The following SPIDR variants were observed in gnomAD, a reference collection of about 807,000 sequenced individuals.
SPIDR encodes the protein scaffold protein involved in DNA repair.
In SPIDR, 93 loss-of-function variants were observed where a neutral mutation model predicts 104.6. The ratio of observed to expected loss-of-function variants is 0.89; its 90% confidence interval spans 0.75 to 1.06. The LOEUF (loss-of-function observed/expected upper bound fraction) is 1.06. SPIDR is among the 50% of genes least tolerant of loss of function. The pLI, the probability that SPIDR is intolerant of heterozygous loss-of-function variation, is 0.00. For synonymous variants in SPIDR, 431 were observed against 416.9 expected (o/e 1.03, Z -0.41); for missense variants, 1,154 against 1,111.2 (o/e 1.04, Z -0.55).
At chr8:47,345,392 A>T (rs2051730337) in intron 5 of SPIDR, among the ~76,000 whole-genome samples, 1 of 152,222 alleles carries the variant, frequency 6.6e-6, no homozygotes. Flanking sequence ...GAAGTCAGGT[A>T]GTGTGATGCC....
intron 5 of SPIDR, among the ~76,000 whole-genome samples, chr8:47,395,273 C>T (rs1325552803): frequency 2.0e-5 from 3 of 151,954 alleles, no homozygotes; most frequent in South Asian, 2.1e-4. Context: ...CACTTCTACC[C>T]GAGAAGCAGA....
intron 8 of SPIDR, among the ~76,000 whole-genome samples, chr8:47,487,000 A>C (rs2077743869): frequency 6.6e-6 from 1 of 152,206 alleles, no homozygotes; most frequent in South Asian, 2.1e-4. Flanking sequence ...ACATATAACA[A>C]TATTAACCTT....
chr8:47,406,202 A>G (rs1023958336), intron 6 of SPIDR, among the ~76,000 whole-genome samples: 4 of 151,840 alleles, frequency 2.6e-5, no homozygotes, highest in South Asian at 2.1e-4. Context: ...TTTATTGTGC[A>G]TATCATTTTA....
intron 10 of SPIDR, among the ~76,000 whole-genome samples, chr8:47,627,927 C>T (rs78599602): frequency 0.022 from 3,309 of 152,248 alleles, 96 homozygotes; most frequent in East Asian, 0.08. Context: ...CCTGGGCTGC[C>T]TGGTAGTGCA....
chr8:47,713,920 T>C (rs1391976056), intron 16 of SPIDR, among the ~76,000 whole-genome samples: 2 of 152,136 alleles, frequency 1.3e-5, no homozygotes, highest in Admixed American at 6.5e-5. Flanking sequence ...CAGGGAAGGC[T>C]TCCCAAAGAC....
chr8:47,588,613 A>G (rs1469134941), intron 8 of SPIDR, among the ~76,000 whole-genome samples: 4 of 152,076 alleles, frequency 2.6e-5, no homozygotes. Context: ...TGTTGAATCA[A>G]AGTTGTGAGG....
At chr8:47,689,949 A>G (rs1041301893) in intron 11 of SPIDR, among the ~76,000 whole-genome samples, 16 of 152,208 alleles carry the variant, frequency 1.1e-4, no homozygotes, top group Admixed American at 6.5e-5. Flanking sequence ...TCTTTGAAAC[A>G]TTATATGAGG....
rs78772670 is a variant in SPIDR, at chr8:47,580,282, A to G, written c.1098-15529A>G. 3.9e-5 allele frequency among the ~76,000 whole-genome samples: 6 copies of G among 152,344 alleles called. No homozygotes were observed. The East Asian group carries it at 1.2e-3, about 29-fold the overall frequency. ...AAATAACCCTAGTTTTTGCTAAACA[A>G]TAGACAACAACTAATTTGAAATTGC... On this transcript the variant is annotated intron_variant, in intron 8 of 19. Transcript: ENST00000297423.
At chr8:47,714,688 A>G (rs1054485342) in intron 16 of SPIDR, among the ~76,000 whole-genome samples, 4 of 152,136 alleles carry the variant, frequency 2.6e-5, no homozygotes, top group African/African-American at 7.2e-5. Context: ...TTTACTGCAC[A>G]TTATTCTGCC....
chr8:47,350,349 T>C (rs1269068279), intron 5 of SPIDR, among the ~76,000 whole-genome samples: 17 of 152,234 alleles, frequency 1.1e-4, no homozygotes, highest in African/African-American at 4.1e-4. Flanking sequence ...AGTCTCGCTC[T>C]GTCACCCATG....
chr8:47,505,417 G>GCATAGGA (rs776263873), intron 8 of SPIDR, among the ~76,000 whole-genome samples: 1 of 152,200 alleles, frequency 6.6e-6, no homozygotes, highest in Non-Finnish European at 1.5e-5. Context: ...GGCTCTGTGG[G>GCATAGGA]CATAGGACCC....
intron 8 of SPIDR, among the ~76,000 whole-genome samples, chr8:47,539,156 C>T (rs1177239599): frequency 2.0e-5 from 3 of 151,916 alleles, no homozygotes; most frequent in Admixed American, 6.6e-5. Flanking sequence ...CCACCATGCC[C>T]GGCCTATTGT....
intron 5 of SPIDR, among the ~76,000 whole-genome samples, chr8:47,294,675 G>C (rs2040518396): frequency 6.6e-6 from 1 of 152,134 alleles, no homozygotes; most frequent in Non-Finnish European, 1.5e-5. Flanking sequence ...GTGTCACCCA[G>C]GCTAGAACGC....
chr8:47,546,080 G>A (rs2089310942), intron 8 of SPIDR, among the ~76,000 whole-genome samples: 1 of 152,068 alleles, frequency 6.6e-6, no homozygotes, highest in African/African-American at 2.4e-5. Flanking sequence ...TATAGTTTTT[G>A]TACTGTTTTG....
intron 10 of SPIDR, among the ~76,000 whole-genome samples, chr8:47,637,478 G>T (rs2068123251): frequency 1.3e-5 from 2 of 152,124 alleles, no homozygotes; most frequent in Non-Finnish European, 2.9e-5. Flanking sequence ...GCTGAGGTGG[G>T]AGAATTGCTT....
At chr8:47,459,553 C>T (rs2073589490) in intron 8 of SPIDR, among the ~76,000 whole-genome samples, 1 of 151,966 alleles carries the variant, frequency 6.6e-6, no homozygotes, top group Admixed American at 6.6e-5. Context: ...TGCTAATGAT[C>T]TGTCAGTTTA....
intron 5 of SPIDR, among the ~76,000 whole-genome samples, chr8:47,295,768 A>G (rs1554572344): frequency 1.4e-3 from 213 of 152,284 alleles, no homozygotes; most frequent in Non-Finnish European, 2.4e-3. Flanking sequence ...GGGAGTGCAG[A>G]TATTTTTTTA....
chr8:47,326,845 C>T (rs1587007666), intron 5 of SPIDR, among the ~76,000 whole-genome samples: 1 of 152,172 alleles, frequency 6.6e-6, no homozygotes, highest in African/African-American at 2.4e-5. Flanking sequence ...GTTGTTTAGC[C>T]ATTCATCCAC....
chr8:47,389,576 C>T (rs942341161), intron 5 of SPIDR, among the ~76,000 whole-genome samples: 16 of 149,206 alleles, frequency 1.1e-4, no homozygotes, highest in Non-Finnish European at 1.8e-4. Context: ...GTAGTCCCAG[C>T]TATTCAGGAG....
Sources: allele counts gnomAD v4.1 joint callset (sites outside exome capture counted in the v4.1 genomes callset), GRCh38; gene constraint gnomAD v4.1.1; transcripts MANE v1.5; gene names NCBI Gene and HGNC (gene_info 2026-07-23, HGNC 2026-07-21).